The following UNC13C variants were observed in gnomAD, a reference collection of about 807,000 sequenced individuals.
UNC13C encodes the protein protein unc-13 homolog C.
A neutral mutation model predicts 245.4 loss-of-function variants in UNC13C; 174 were observed. That is an observed-to-expected ratio of 0.71 (90% CI 0.63 to 0.80). The LOEUF is 0.80. Among genes scored for constraint, UNC13C ranks in the 30% least tolerant of loss-of-function variants. The pLI is 0.00. For missense variants in UNC13C, 2,829 were observed against 2,602.9 expected (o/e 1.09, Z -1.89); for synonymous variants, 992 against 895.1 (o/e 1.11, Z -1.93).
At chr15:54,336,785 A>C (rs1049552696) in intron 16 of UNC13C, among the ~76,000 whole-genome samples, 2 of 152,134 alleles carry the variant, frequency 1.3e-5, no homozygotes, top group African/African-American at 2.4e-5. Flanking sequence ...AATTGACCAT[A>C]TATGTATGGG....
intron 23 of UNC13C, among the ~76,000 whole-genome samples, chr15:54,509,211 A>G (rs1195067070): frequency 1.3e-5 from 2 of 152,190 alleles, no homozygotes; most frequent in Non-Finnish European, 2.9e-5. Flanking sequence ...AAAAACATAC[A>G]AACAAAAAAG....
At position 54,234,209 on chromosome 15, in the gene UNC13C, A is replaced by G. The variant is rs555862480; in HGVS notation, c.3072-821A>G. On this transcript the variant is annotated intron_variant, in intron 4 of 32. Transcript: ENST00000260323. ...ATATTTTATGTGCGTTCATAAACAT[A>G]TATATATAAGTTTAGTACACTCCCA... Among the ~76,000 whole-genome samples the G allele has an allele frequency of 6.3e-4, 94 of 149,750 alleles. 1 individual carries two copies. Among genetic ancestry groups the G allele is most frequent in the Middle Eastern group, 3.4e-3 (1 of 292 alleles).
chr15:54,552,462 A>G (rs1596555798), intron 28 of UNC13C, among the ~76,000 whole-genome samples: 2 of 19,254 alleles, frequency 1.0e-4, no homozygotes, highest in South Asian at 2.0e-3. Context: ...ATATAATTAT[A>G]TATTACAATA....
At chr15:54,105,091 G>C (rs566722608) in intron 2 of UNC13C, among the ~76,000 whole-genome samples, 3 of 152,292 alleles carry the variant, frequency 2.0e-5, no homozygotes, top group Admixed American at 1.3e-4. Context: ...GGAGCAGGAT[G>C]GACAAGAGAA....
intron 4 of UNC13C, among the ~76,000 whole-genome samples, chr15:54,234,286 C>T (rs74013510): frequency 0.16 from 23,715 of 151,502 alleles, 2,284 homozygotes; most frequent in African/African-American, 0.26. Context: ...TACTAATACG[C>T]AAACTTGCTT....
chr15:54,037,845 T>G (rs1179563982), intron 2 of UNC13C, among the ~76,000 whole-genome samples: 1 of 151,498 alleles, frequency 6.6e-6, no homozygotes, highest in Non-Finnish European at 1.5e-5. Flanking sequence ...TATTAATGTA[T>G]TTTTTATTAA....
chr15:54,291,024 T>C (rs1022228466), intron 10 of UNC13C, among the ~76,000 whole-genome samples: 2 of 152,102 alleles, frequency 1.3e-5, no homozygotes, highest in African/African-American at 4.8e-5. Context: ...CTTCTATCTT[T>C]TTCTAAGATA....
intron 21 of UNC13C, 70 bp from the exon 22 acceptor site, chr15:54,500,765 A>C: frequency 7.4e-7 from 1 of 1,355,242 alleles, no homozygotes; most frequent in Non-Finnish European, 1.0e-6. Context: ...TGTTGATGGG[A>C]AACAGTGAAG....
chr15:54,208,041 A>C (rs975587414), intron 4 of UNC13C, among the ~76,000 whole-genome samples: 1 of 152,154 alleles, frequency 6.6e-6, no homozygotes, highest in African/African-American at 2.4e-5. Flanking sequence ...TACAAGAAGC[A>C]TGGCACCAAC....
chr15:54,387,427 C>A (rs755520395), intron 17 of UNC13C, among the ~76,000 whole-genome samples: 4 of 152,122 alleles, frequency 2.6e-5, no homozygotes, highest in Admixed American at 6.6e-5. Flanking sequence ...GAGTGTCCTT[C>A]AGCATGTTAA....
intron 2 of UNC13C, among the ~76,000 whole-genome samples, chr15:54,038,124 A>ATAAAAATTTTTTTTTTT: frequency 4.4e-4 from 20 of 45,028 alleles, no homozygotes; most frequent in African/African-American, 2.1e-3. Context: ...ATATATATAT[A>ATAAAAATTTTTTTTTTT]TTTTTTTTTT....
chr15:53,868,923 C>T, the UNC13C span, among the ~76,000 whole-genome samples: 1 of 152,016 alleles, frequency 6.6e-6, no homozygotes, highest in South Asian at 2.1e-4. Context: ...TTGAGACCAG[C>T]CTGAGCAAAA....
chr15:54,107,827 T>A (rs1017961371), intron 2 of UNC13C, among the ~76,000 whole-genome samples: 1 of 152,230 alleles, frequency 6.6e-6, no homozygotes, highest in Non-Finnish European at 1.5e-5. Context: ...AGTCTCTTTA[T>A]ATTTATTCTA....
chr15:54,132,687 C>CT (rs1365457732), intron 2 of UNC13C, among the ~76,000 whole-genome samples: 1 of 152,196 alleles, frequency 6.6e-6, no homozygotes, highest in African/African-American at 2.4e-5. Flanking sequence ...TTTCTTTGCA[C>CT]TGTTTTTGGC....
intron 19 of UNC13C, 49 bp downstream of exon 19, chr15:54,415,116 G>A: frequency 7.5e-7 from 1 of 1,325,316 alleles, no homozygotes; most frequent in Non-Finnish European, 1.1e-6. Flanking sequence ...GAGTTAAATG[G>A]TGATATTGTG....
chr15:54,061,107 TAAAGTA>T (rs1253352225), intron 2 of UNC13C, among the ~76,000 whole-genome samples: 3 of 82,942 alleles, frequency 3.6e-5, no homozygotes, highest in African/African-American at 5.1e-5. Flanking sequence ...CCCTAAAACT[TAAAGTA>T]TAATAATAAT....
chr15:54,078,367 T>C (rs1898748951), intron 2 of UNC13C, among the ~76,000 whole-genome samples: 1 of 152,218 alleles, frequency 6.6e-6, no homozygotes, highest in Non-Finnish European at 1.5e-5. Context: ...ATTAGGATTG[T>C]TTAATCGAAT....
chr15:54,256,072 C>G (rs567138706), intron 8 of UNC13C, among the ~76,000 whole-genome samples: 3 of 152,308 alleles, frequency 2.0e-5, no homozygotes, highest in African/African-American at 7.2e-5. Flanking sequence ...TAAAAATAAT[C>G]TGACTTCCAG....
the UNC13C span, among the ~76,000 whole-genome samples, chr15:53,897,584 A>G: frequency 1.3e-5 from 2 of 152,324 alleles, no homozygotes; most frequent in East Asian, 3.9e-4. Flanking sequence ...CTGGCTATAC[A>G]TACATTTAAA....
Sources: gnomAD v4.1 joint callset for allele counts (sites outside exome capture counted in the v4.1 genomes callset) on GRCh38, gnomAD v4.1.1 for gene constraint, MANE v1.5 for transcripts, NCBI Gene and HGNC (gene_info 2026-07-23, HGNC 2026-07-21) for gene names.